SVEP1: variants seen among roughly 807,000 people sequenced by gnomAD.
The protein encoded by SVEP1 is sushi, von Willebrand factor type A, EGF and pentraxin domain-containing protein 1.
SVEP1 carries 164 observed loss-of-function variants against 367.3 expected under a neutral mutation model. The ratio of observed to expected loss-of-function variants is 0.45; its 90% CI spans 0.39 to 0.51. SVEP1 has a LOEUF of 0.51. Among genes scored for constraint, SVEP1 ranks in the 20% least tolerant of loss-of-function variants. The probability of loss-of-function intolerance (pLI) is 0.00; values close to 1 mark genes in which losing one functional copy is unlikely to be tolerated. For missense variants in SVEP1, 4,117 were observed against 4,425.3 expected (o/e 0.93, Z 1.98); for synonymous variants, 1,666 against 1,611.6 (o/e 1.03, Z -0.81).
At chr9:110,461,055 T>C (rs1257912834) in intron 18 of SVEP1, among the ~76,000 whole-genome samples, 3 of 152,232 alleles carry the variant, frequency 2.0e-5, no homozygotes, top group Non-Finnish European at 4.4e-5. Context: ...AACCTTTCAC[T>C]GTCATTTGTG....
chr9:110,497,278 C>G (rs1829465381), intron 7 of SVEP1, among the ~76,000 whole-genome samples: 1 of 152,146 alleles, frequency 6.6e-6, no homozygotes, highest in Non-Finnish European at 1.5e-5. Flanking sequence ...CCTCTTCTCC[C>G]TTTACCTGGA....
At chr9:110,450,428 T>C (rs1002424546) in intron 23 of SVEP1, among the ~76,000 whole-genome samples, 168 bp from the exon 24 acceptor site, 1 of 151,562 alleles carries the variant, frequency 6.6e-6, no homozygotes, top group Non-Finnish European at 1.5e-5. Flanking sequence ...CTGGCTTTTG[T>C]AAGTCATTTT....
At chr9:110,401,104 C>T (rs1001474270) in intron 39 of SVEP1, 95 bp from the exon 40 acceptor site, 1 of 1,469,532 alleles carries the variant, frequency 6.8e-7, no homozygotes, top group African/African-American at 1.4e-5. Flanking sequence ...GAATAATCTC[C>T]AAAATGATAG....
rs766068970 is a variant in SVEP1, at chr9:110,499,126, C to A, written c.1596G>T (p.Gly532=). 4.3e-6 allele frequency: 7 copies of A among 1,613,592 alleles called. No homozygotes were observed. The Admixed American group carries it at 5.0e-5, about 12-fold the overall frequency. ...TTTCTTTGACTCCAGATAAAATGAACCCTTGGCGGCAACTTACATAGCAGA... is the reference window on the plus strand; with the variant it reads ...TTTCTTTGACTCCAGATAAAATGAAACCTTGGCGGCAACTTACATAGCAGA... ...GTICYVSCRQ[G]FILSGVKEML... Residue 532 remains glycine, a synonymous_variant, in exon 7 of 48, where the codon GGG becomes GGT. Transcript: ENST00000374469.
intron 5 of SVEP1, among the ~76,000 whole-genome samples, chr9:110,507,955 G>T (rs1252296173): frequency 6.6e-6 from 1 of 152,122 alleles, no homozygotes; most frequent in Non-Finnish European, 1.5e-5. Flanking sequence ...CTGCTTCTCA[G>T]ATGTTGGTAT....
At chr9:110,562,685 TTTA>T (rs954627337) in intron 1 of SVEP1, among the ~76,000 whole-genome samples, 1 of 152,072 alleles carries the variant, frequency 6.6e-6, no homozygotes. Flanking sequence ...TCATCACTTT[TTTA>T]TTATTATTAT....
At position 110,429,295 on chromosome 9, in the gene SVEP1, T is replaced by C. The variant is rs1414585041; in HGVS notation, c.5655A>G (p.Ser1885=). Residue 1885 remains serine (S), a synonymous_variant, in exon 35 of 48, where the codon TCA becomes TCG. Coordinates refer to ENST00000374469, the MANE Select transcript of SVEP1 (RefSeq NM_153366.4). ...TCCAAGAACTGTTAGCAAGACAGGA[T>C]GATTCTTTATCACCGGCCAGAGTAT... ...KGYTLAGDKE[S]SCLANSSWSH... is the part of the protein sequence containing the mutation. The C allele has an allele frequency of 6.3e-7, 1 of 1,591,776 alleles. No homozygotes were observed. Among genetic ancestry groups the C allele is most frequent in the Non-Finnish European group, 8.6e-7 (1 of 1,168,648 alleles).
intron 3 of SVEP1, among the ~76,000 whole-genome samples, chr9:110,529,810 C>T (rs978793149): frequency 1.3e-5 from 2 of 152,024 alleles, no homozygotes; most frequent in Non-Finnish European, 2.9e-5. Flanking sequence ...ATATCGTCAG[C>T]AGAGTTAGTT....
At chr9:110,378,177 A>C (rs1827381815) in intron 44 of SVEP1, among the ~76,000 whole-genome samples, 1 of 152,162 alleles carries the variant, frequency 6.6e-6, no homozygotes. Context: ...TTTATCTGTC[A>C]ACAGACATTT....
Position 110,404,568 on chromosome 9 carries a change from A to C in SVEP1, c.9441-16T>G. On this transcript the variant is annotated splice_polypyrimidine_tract_variant and intron_variant, in intron 38 of 47. Transcript: ENST00000374469. Reference sequence around the variant, plus strand: ...TTCCAGACATCTGCAATGGAAATGCAAAAATGAGTGCCTTAAATGAAGTAC... The same window carrying C: ...TTCCAGACATCTGCAATGGAAATGCCAAAATGAGTGCCTTAAATGAAGTAC... 1.2e-6 allele frequency: 2 copies of C among 1,609,000 alleles called. No individual in the cohort carries two copies. Among genetic ancestry groups the C allele is most frequent in the Non-Finnish European group, 1.7e-6 (2 of 1,175,320 alleles).
At chr9:110,383,809 G>C (rs1216485983) in intron 43 of SVEP1, among the ~76,000 whole-genome samples, 1 of 152,022 alleles carries the variant, frequency 6.6e-6, no homozygotes, top group East Asian at 1.9e-4. Flanking sequence ...TGGAGTTGCT[G>C]AAATTCCCGC....
At chr9:110,558,988 T>C (rs1046706015) in intron 1 of SVEP1, among the ~76,000 whole-genome samples, 6 of 152,016 alleles carry the variant, frequency 3.9e-5, no homozygotes, top group African/African-American at 1.4e-4. Context: ...TGAAAAGACA[T>C]TCAATAAAAT....
At chr9:110,382,399 G>A (rs1195869232) in intron 43 of SVEP1, among the ~76,000 whole-genome samples, 1 of 152,126 alleles carries the variant, frequency 6.6e-6, no homozygotes, top group African/African-American at 2.4e-5. Flanking sequence ...GGCCCCCAAT[G>A]TCTTCTGGCT....
At chr9:110,392,547 C>A (rs1827680731) in intron 40 of SVEP1, among the ~76,000 whole-genome samples, 1 of 152,054 alleles carries the variant, frequency 6.6e-6, no homozygotes, top group Admixed American at 6.6e-5. Flanking sequence ...TAACTTAAAT[C>A]CATTAATTCT....
chr9:110,489,283 T>C (rs1829331020), intron 9 of SVEP1, among the ~76,000 whole-genome samples: 1 of 152,168 alleles, frequency 6.6e-6, no homozygotes, highest in Admixed American at 6.5e-5. Flanking sequence ...AGACTTACTG[T>C]ATTAGTCTGT....
chr9:110,411,668 G>T lies in SVEP1; in HGVS notation c.6043C>A (p.Gln2015Lys). The change falls in exon 37 of 48, where the codon CAG becomes AAG. Residue 2015 changes from glutamine (Q) to lysine (K), a missense_variant. Gln to Lys is a moderately conservative substitution (Grantham distance 53). This residue lies in a region of SVEP1 where 2,174 missense variants were observed against 2,494.3 expected (regional missense o/e 0.87). Transcript: ENST00000374469. The stretch of plus-strand genomic sequence containing the variant: ...TCATCACAGGAGACAGCCAGGCACT[G>T]CTGGTCACTTCTACTCCACTTGCCG... The part of the protein sequence containing the change: ...ADGKWSRSDQ[Q>K]CLAVSCDEPP... The T allele has an allele frequency of 1.2e-6, 2 of 1,605,994 alleles. No individual in the cohort carries two copies. The highest frequency in any genetic ancestry group is 1.7e-6 in the Non-Finnish European group (2 of 1,176,144).
rs1828043212 is a variant in SVEP1 at position 110,411,434 on chromosome 9, T to C, written c.6277A>G (p.Ile2093Val). 6.2e-7 allele frequency: 1 copy of C among 1,614,016 alleles called. No individual in the cohort carries two copies. The highest frequency in any genetic ancestry group is 2.2e-5 in the East Asian group (1 of 44,890). ...CEKPPSVSYS[I>V]LESVSKAKFA... ...TTTGCTTTGCTCACAGATTCCAAGA[T>C]GCTATAGGAAACCGATGGAGGTTTT... Residue 2093 changes from isoleucine (I) to valine (V), a missense_variant, in exon 37 of 48, where the codon ATC becomes GTC. Coordinates refer to ENST00000374469, the MANE Select transcript of SVEP1 (RefSeq NM_153366.4).
Position 110,411,283 on chromosome 9 carries a change from G to A in SVEP1, c.6428C>T (p.Pro2143Leu), listed in dbSNP as rs1283069791. The A allele has an allele frequency of 6.2e-7, 1 of 1,614,042 alleles. No homozygotes were observed. The highest frequency in any genetic ancestry group is 1.7e-5 in the Admixed American group (1 of 60,018). ...GCTTGGTGGCTCTCCACACCGCACA[G>A]GGATGCACTGGATGGACATGGGGGA... is the stretch of plus-strand genomic sequence containing the variant. ...NPSPMSIQCI[P>L]VRCGEPPSIM... is the part of the protein sequence containing the mutation. The change falls in exon 37 of 48, where the codon CCT becomes CTT. Residue 2143 changes from proline to leucine, a missense_variant. By Grantham distance (98) the Pro-to-Leu change is moderately conservative. Coordinates refer to ENST00000374469, the MANE Select transcript of SVEP1 (RefSeq NM_153366.4).
Position 110,447,073 on chromosome 9 carries a change from ATGT to A in SVEP1, c.4104-19_4104-17del, listed in dbSNP as rs1828612485. ...ACACAGGCATCTGAAAGAAAACAAAATGTTGTAACAATTAGAACAGTTGTAGGA... is the reference window on the plus strand; with the variant it reads ...ACACAGGCATCTGAAAGAAAACAAAATGTAACAATTAGAACAGTTGTAGGA... On this transcript the variant is annotated splice_polypyrimidine_tract_variant and intron_variant, in intron 24 of 47. Coordinates refer to ENST00000374469, the MANE Select transcript of SVEP1 (RefSeq NM_153366.4). The A allele has an allele frequency of 2.0e-6, 3 of 1,468,764 alleles. No homozygotes were observed. The highest frequency in any genetic ancestry group is 2.7e-6 in the Non-Finnish European group (3 of 1,111,886). 91.0% of individuals were successfully genotyped at this position (1,468,764 alleles called of 1,614,324 possible).
Sources: allele counts gnomAD v4.1 joint callset (sites outside exome capture counted in the v4.1 genomes callset), GRCh38; gene constraint gnomAD v4.1.1; regional missense constraint gnomAD v4.1.1; transcripts MANE v1.5; gene names NCBI Gene and HGNC (gene_info 2026-07-23, HGNC 2026-07-21).